ATR: variants seen among roughly 807,000 people sequenced by gnomAD.
ATR encodes the protein ATR checkpoint kinase.
A neutral mutation model predicts 305.3 loss-of-function variants in ATR; 142 were observed. The observed-to-expected ratio is 0.47, with a 90% confidence interval of 0.41 to 0.53. The LOEUF (loss-of-function observed/expected upper bound fraction) is 0.53. Among genes scored for constraint, ATR ranks in the 20% least tolerant of loss-of-function variants. ATR has a pLI of 0.00. For missense variants in ATR, 2,135 were observed against 3,133.1 expected, an observed-to-expected ratio of 0.68 and a Z score of 7.60; for synonymous variants, 1,050 against 1,068.1, an observed-to-expected ratio of 0.98 and a Z score of 0.33.
chr3:142,527,807 A>T (rs779828173), intron 21 of ATR, among the ~76,000 whole-genome samples: 21 of 152,216 alleles, frequency 1.4e-4, no homozygotes, highest in Non-Finnish European at 2.9e-4. Flanking sequence ...CACAAGTGCA[A>T]CCATCACTTC....
intron 16 of ATR, among the ~76,000 whole-genome samples, chr3:142,547,304 T>A (rs1457127112): frequency 1.3e-5 from 2 of 151,920 alleles, no homozygotes; most frequent in Non-Finnish European, 2.9e-5. Flanking sequence ...AAGGAAAGAG[T>A]AGTCGGAGGG....
At position 142,513,486 on chromosome 3, in the gene ATR, G is replaced by A. The variant is rs200619976; in HGVS notation, c.4641+15C>T. On this transcript the variant is annotated intron_variant, in intron 26 of 46. Coordinates refer to ENST00000350721, the MANE Select transcript of ATR (RefSeq NM_001184.4). ...TTTCACATGTTCAAAAACCAAGTAA[G>A]ATGATTTATCTCACCTCCTGCTGAT... 972 of 1,612,792 alleles carry A rather than the reference G, an allele frequency of 6.0e-4. 6 individuals carry two copies. Among genetic ancestry groups the A allele is most frequent in the Middle Eastern group, 4.1e-3 (24 of 5,888 alleles).
intron 24 of ATR, among the ~76,000 whole-genome samples, chr3:142,517,997 CTGGAAA>C (rs1389801129): frequency 6.6e-6 from 1 of 152,004 alleles, no homozygotes; most frequent in Admixed American, 6.6e-5. Flanking sequence ...AAATTAAAAC[CTGGAAA>C]TGTTAAATAA....
At chr3:142,512,506 T>C (rs2108372946) in intron 26 of ATR, 36 bp from the exon 27 acceptor site, 1 of 1,452,578 alleles carries the variant, frequency 6.9e-7, no homozygotes, top group Non-Finnish European at 9.4e-7. Context: ...ATAATATCTA[T>C]ATAATACCAT....
intron 21 of ATR, among the ~76,000 whole-genome samples, chr3:142,526,793 G>GTT (rs577390491): frequency 6.4e-5 from 9 of 140,164 alleles, no homozygotes; most frequent in African/African-American, 1.3e-4. Flanking sequence ...GTTTGTTTTT[G>GTT]TTTTTTTTTT....
intron 46 of ATR, chr3:142,450,585 A>G (rs767295936): frequency 1.9e-6 from 3 of 1,607,946 alleles, no homozygotes; most frequent in East Asian, 2.2e-5. Context: ...ACTTAAATGA[A>G]TTTGAAGAAC....
intron 46 of ATR, chr3:142,452,308 C>G (rs888630719): frequency 1.0e-6 from 1 of 987,714 alleles, no homozygotes; most frequent in Non-Finnish European, 1.2e-6. Context: ...TAAGCCTGTA[C>G]AAGACTTATT....
chr3:142,461,481 G>A (rs1559907632), intron 42 of ATR, among the ~76,000 whole-genome samples: 1 of 151,660 alleles, frequency 6.6e-6, no homozygotes, highest in East Asian at 1.9e-4. Context: ...TATTTATTTT[G>A]CTACTCAAAT....
At chr3:142,473,494 T>C (rs115172168) in intron 36 of ATR, among the ~76,000 whole-genome samples, 2,028 of 152,260 alleles carry the variant, frequency 0.013, 47 homozygotes, top group African/African-American at 0.046. Context: ...TTGATTATTA[T>C]AGCTTTGTGG....
intron 8 of ATR, among the ~76,000 whole-genome samples, chr3:142,558,331 T>C (rs1454883877): frequency 6.6e-6 from 1 of 151,996 alleles, no homozygotes; most frequent in African/African-American, 2.4e-5. Context: ...GAGACCAGCC[T>C]GGCTAACATG....
intron 27 of ATR, 33 bp downstream of exon 27, chr3:142,512,227 A>G: frequency 1.9e-6 from 3 of 1,538,666 alleles, no homozygotes; most frequent in Middle Eastern, 1.7e-4. Context: ...AGCTAAAAAA[A>G]AAAAAAAAAA....
chr3:142,555,681 A>G (rs1197590347), intron 10 of ATR, among the ~76,000 whole-genome samples, 196 bp downstream of exon 10: 2 of 152,156 alleles, frequency 1.3e-5, no homozygotes, highest in Non-Finnish European at 2.9e-5. Flanking sequence ...AAAAATCCCA[A>G]AATCACCTCT....
intron 30 of ATR, chr3:142,500,112 C>T (rs542356913): frequency 3.3e-5 from 6 of 183,724 alleles, no homozygotes; most frequent in Non-Finnish European, 6.8e-5. Flanking sequence ...TAAGCAATTC[C>T]AATAACTCAG....
chr3:142,529,396 C>T (rs2033550020), intron 21 of ATR, among the ~76,000 whole-genome samples: 1 of 151,964 alleles, frequency 6.6e-6, no homozygotes. Context: ...ACTCCTTACT[C>T]TCCCCCTTCT....
At position 142,556,423 on chromosome 3, in the gene ATR, G is replaced by A. The variant is rs2108472918; in HGVS notation, c.2038C>T (p.Gln680Ter). 1 of 1,614,030 alleles carries A rather than the reference G, an allele frequency of 6.2e-7. No individual in the cohort carries two copies. Among genetic ancestry groups the A allele is most frequent in the Non-Finnish European group, 8.5e-7 (1 of 1,179,956 alleles). Residue 680 changes from glutamine to a stop codon, truncating the protein, a stop_gained, in exon 9 of 47, where the codon CAG (glutamine) becomes TAG (stop). Transcript: ENST00000350721. LOFTEE classifies it high-confidence loss of function. ...SCVSGFFILL[Q>*]QQNSCNRVPK... Reference sequence around the variant, plus strand: ...ACTCTGTTACAAGAATTCTGCTGCTGCAATAAGATAAAAAATCCACTAACA... The same window carrying A: ...ACTCTGTTACAAGAATTCTGCTGCTACAATAAGATAAAAAATCCACTAACA...
intron 18 of ATR, 112 bp from the exon 19 acceptor site, chr3:142,538,737 G>C: frequency 7.3e-7 from 1 of 1,365,298 alleles, no homozygotes. Context: ...TAGATTAAAA[G>C]GCAGCTTTAA....
chr3:142,498,798 G>GA, intron 31 of ATR, 24 bp from the exon 32 acceptor site: 1 of 1,611,080 alleles, frequency 6.2e-7, no homozygotes, highest in Non-Finnish European at 8.5e-7. Flanking sequence ...GAAGAGTCAA[G>GA]AAATGTCACG....
At chr3:142,462,700 C>T (rs926451652) in intron 41 of ATR, among the ~76,000 whole-genome samples, 2 of 152,254 alleles carry the variant, frequency 1.3e-5, no homozygotes, top group East Asian at 1.9e-4. Flanking sequence ...GATCTCCTGA[C>T]CTAGTGATCC....
At chr3:142,540,238 G>C (rs1015754016) in intron 18 of ATR, among the ~76,000 whole-genome samples, 6 of 152,134 alleles carry the variant, frequency 3.9e-5, no homozygotes, top group Admixed American at 2.6e-4. Flanking sequence ...GAGAATTTAA[G>C]GGATGAGGCT....
Sources: allele counts gnomAD v4.1 joint callset (sites outside exome capture counted in the v4.1 genomes callset), GRCh38; gene constraint gnomAD v4.1.1; transcripts MANE v1.5; gene names NCBI Gene and HGNC (gene_info 2026-07-23, HGNC 2026-07-21).